Variants in CTNND2 observed in about 807,000 individuals in gnomAD.
The protein encoded by CTNND2 is catenin delta 2.
In CTNND2, 22 loss-of-function variants were observed where a neutral mutation model predicts 144.4. The observed-to-expected ratio is 0.15, with a 90% confidence interval of 0.11 to 0.22. The LOEUF is 0.22. Ranked by LOEUF, CTNND2 falls within the 10% of genes least tolerant of loss-of-function variation. The probability of loss-of-function intolerance (pLI) is 1.00; values close to 1 mark genes in which losing one functional copy is unlikely to be tolerated. For synonymous variants in CTNND2, 751 were observed against 695.6 expected (o/e 1.08, Z -1.25); for missense variants, 1,353 against 1,618.8 (o/e 0.84, Z 2.82).
At chr5:11,470,954 G>GTATATATATATATATATA (rs71595821) in intron 3 of CTNND2, among the ~76,000 whole-genome samples, 932 of 62,876 alleles carry the variant, frequency 0.015, 37 homozygotes, top group Non-Finnish European at 0.021. Context: ...TTGATACAAA[G>GTATATATATATATATATA]TATATATATA....
At chr5:11,234,797 C>T (rs1400440073) in intron 10 of CTNND2, among the ~76,000 whole-genome samples, 2 of 152,200 alleles carry the variant, frequency 1.3e-5, no homozygotes, top group African/African-American at 4.8e-5. Context: ...TGTTTGACTT[C>T]TGACAGCTTT....
chr5:11,690,130 A>G (rs1262125321), intron 2 of CTNND2, among the ~76,000 whole-genome samples: 1 of 152,254 alleles, frequency 6.6e-6, no homozygotes, highest in Non-Finnish European at 1.5e-5. Context: ...TGAAAGTGAC[A>G]AAGTCAAAGA....
intron 17 of CTNND2, among the ~76,000 whole-genome samples, chr5:11,019,593 G>T (rs1742022218): frequency 6.6e-6 from 1 of 152,204 alleles, no homozygotes; most frequent in Non-Finnish European, 1.5e-5. Flanking sequence ...ACATGTGAAG[G>T]TTAAAGAAAC....
intron 2 of CTNND2, among the ~76,000 whole-genome samples, chr5:11,689,313 G>A (rs191414969): frequency 6.6e-6 from 1 of 152,306 alleles, no homozygotes; most frequent in Non-Finnish European, 1.5e-5. Flanking sequence ...AATAAATAAT[G>A]TGGTAGAGTA....
chr5:11,240,835 CCCCAACACACACCCAACACA>C (rs1742325338), intron 9 of CTNND2, among the ~76,000 whole-genome samples: 1 of 138,790 alleles, frequency 7.2e-6, no homozygotes, highest in South Asian at 2.5e-4. Flanking sequence ...CACACACACC[CCCCAACACACACCCAACACA>C]TACACTCAGC....
intron 9 of CTNND2, among the ~76,000 whole-genome samples, chr5:11,273,914 G>A (rs1472480796): frequency 6.6e-6 from 1 of 152,152 alleles, no homozygotes; most frequent in Non-Finnish European, 1.5e-5. Flanking sequence ...AGATTTTAAA[G>A]TTTAGCACTG....
chr5:11,771,192 C>CTTTTTTTTTTTTTTTTTT (rs34686102), intron 1 of CTNND2, among the ~76,000 whole-genome samples: 1 of 103,780 alleles, frequency 9.6e-6, no homozygotes, highest in Non-Finnish European at 1.8e-5. Context: ...ACATTGTTAG[C>CTTTTTTTTTTTTTTTTTT]TTTTTTTTTT....
intron 18 of CTNND2, among the ~76,000 whole-genome samples, chr5:10,997,744 G>A (rs1041529605): frequency 4.6e-5 from 7 of 152,080 alleles, no homozygotes; most frequent in Non-Finnish European, 8.8e-5. Context: ...GTAGTGGCTC[G>A]GGACAGTCGT....
At chr5:11,744,853 C>G (rs544187421) in intron 1 of CTNND2, among the ~76,000 whole-genome samples, 2 of 152,126 alleles carry the variant, frequency 1.3e-5, no homozygotes, top group East Asian at 3.9e-4. Context: ...CTCTGGTGAT[C>G]CTTCCACCTC....
chr5:11,497,531 A>G (rs1412635501), intron 3 of CTNND2, among the ~76,000 whole-genome samples: 2 of 121,608 alleles, frequency 1.6e-5, no homozygotes, highest in African/African-American at 3.1e-5. Context: ...GGGGGGGGCA[A>G]TATGTGCAAA....
intron 2 of CTNND2, among the ~76,000 whole-genome samples, chr5:11,667,815 G>C (rs1011170992): frequency 5.3e-5 from 8 of 152,168 alleles, no homozygotes; most frequent in African/African-American, 1.9e-4. Flanking sequence ...ACTGCTTTTA[G>C]TGTTTTAGTC....
chr5:11,159,702 G>A lies in CTNND2; in HGVS notation c.2033C>T (p.Ala678Val). The A allele has an allele frequency of 1.2e-6, 2 of 1,611,754 alleles. No homozygotes were observed. The highest frequency in any genetic ancestry group is 1.3e-5 in the African/African-American group (1 of 74,974). ...CACCGCGTTGGTCAGTACTGCTAGG[G>A]CATCCTGGATGATTGGCATTTTGAG... ...DALKMPIIQDALAVLTNAVII... is the reference protein window; with the variant it reads ...DALKMPIIQDVLAVLTNAVII... The change falls in exon 12 of 22, where the codon GCC becomes GTC. Residue 678 changes from alanine (A) to valine (V), a missense_variant. Ala to Val is a moderately conservative substitution (Grantham distance 64). Transcript: ENST00000304623.
At chr5:11,370,045 GA>G (rs1404298361) in intron 7 of CTNND2, among the ~76,000 whole-genome samples, 1 of 152,174 alleles carries the variant, frequency 6.6e-6, no homozygotes, top group Non-Finnish European at 1.5e-5. Context: ...CGAATGAAAG[GA>G]TTTTTTTAAC....
chr5:11,575,836 G>C (rs1347337629), intron 2 of CTNND2, among the ~76,000 whole-genome samples: 1 of 151,864 alleles, frequency 6.6e-6, no homozygotes, highest in Non-Finnish European at 1.5e-5. Flanking sequence ...CCTCTCTTAA[G>C]CCACCATTCT....
rs75038667 is a variant in CTNND2 at position 11,854,676 on chromosome 5, A to C, written c.37+49141T>G. The stretch of plus-strand genomic sequence containing the variant: ...TTCCTAAAGCTTACAGAAGGTATAT[A>C]TTCCATCTTAACACAAGTATCGAAC... On this transcript the variant is annotated intron_variant, in intron 1 of 21. Coordinates refer to ENST00000304623, the MANE Select transcript of CTNND2 (RefSeq NM_001332.4). 4.6e-3 allele frequency among the ~76,000 whole-genome samples: 705 copies of C among 152,314 alleles called. 4 individuals are homozygous for C. The highest frequency in any genetic ancestry group is 0.016 in the African/African-American group (669 of 41,552).
At chr5:11,601,252 T>C (rs768796809) in intron 2 of CTNND2, among the ~76,000 whole-genome samples, 9 of 152,214 alleles carry the variant, frequency 5.9e-5, no homozygotes, top group Non-Finnish European at 1.2e-4. Context: ...TTGTTTCTGT[T>C]TCCCATAGCA....
chr5:11,226,467 G>C (rs1328708731), intron 10 of CTNND2, among the ~76,000 whole-genome samples: 1 of 152,170 alleles, frequency 6.6e-6, no homozygotes, highest in African/African-American at 2.4e-5. Flanking sequence ...CTCGAGACTA[G>C]ATAATTTATA....
chr5:11,491,938 T>A (rs1055721739), intron 3 of CTNND2, among the ~76,000 whole-genome samples: 6 of 152,198 alleles, frequency 3.9e-5, no homozygotes, highest in African/African-American at 1.2e-4. Flanking sequence ...CACTGCTATT[T>A]CATGCATGAA....
intron 12 of CTNND2, among the ~76,000 whole-genome samples, chr5:11,129,122 A>AAATAAAAT (rs1755177753): frequency 6.3e-5 from 1 of 15,988 alleles, no homozygotes; most frequent in African/African-American, 1.5e-4. Context: ...TATTATATAT[A>AAATAAAAT]ATATATATTT....
Sources: gnomAD v4.1 joint callset for allele counts (sites outside exome capture counted in the v4.1 genomes callset) on GRCh38, gnomAD v4.1.1 for gene constraint, MANE v1.5 for transcripts, NCBI Gene and HGNC (gene_info 2026-07-23, HGNC 2026-07-21) for gene names.